SULT4A1: variants seen among roughly 807,000 people sequenced by gnomAD.
SULT4A1 encodes sulfotransferase 4A1.
In SULT4A1, 11 loss-of-function variants were observed where a neutral mutation model predicts 35.2. That is an observed-to-expected ratio of 0.31 (90% CI 0.20 to 0.52). SULT4A1 has a LOEUF of 0.52. Ranked by LOEUF, SULT4A1 falls within the 20% of genes least tolerant of loss-of-function variation. The pLI, the probability that SULT4A1 is intolerant of heterozygous loss-of-function variation, is 0.97. For missense variants in SULT4A1, 271 were observed against 383.7 expected (o/e 0.71, Z 2.45); for synonymous variants, 152 against 151.8 (o/e 1.00, Z -0.01).
intron 5 of SULT4A1, among the ~76,000 whole-genome samples, chr22:43,831,593 G>A (rs1279659744): frequency 6.6e-6 from 1 of 152,182 alleles, no homozygotes; most frequent in Non-Finnish European, 1.5e-5. Flanking sequence ...ATGAAGCGGT[G>A]GCACATTCGT....
At chr22:43,828,851 C>A in intron 6 of SULT4A1, 1 of 492,284 alleles carries the variant, frequency 2.0e-6, no homozygotes, top group South Asian at 4.2e-5. Flanking sequence ...AATGCAAACA[C>A]CAGCGGGCAG....
intron 1 of SULT4A1, among the ~76,000 whole-genome samples, chr22:43,845,159 T>C (rs2063465675): frequency 6.6e-6 from 1 of 152,156 alleles, no homozygotes; most frequent in South Asian, 2.1e-4. Context: ...CTGTGGTCCC[T>C]TCATATCGGC....
rs2148315289 is a variant in SULT4A1 at position 43,862,368 on chromosome 22, C to T, written c.15G>A (p.Glu5=). ...CCCCCGGGGTGCTGGGGGTCTCGGCCTCGCTCTCCGCCATGCCGCCGCCGT... is the reference window on the plus strand; with the variant it reads ...CCCCCGGGGTGCTGGGGGTCTCGGCTTCGCTCTCCGCCATGCCGCCGCCGT... MAES[E]AETPSTPGEF... The change falls in exon 1 of 7, where the codon GAG becomes GAA. Residue 5 remains glutamate, a synonymous_variant. Coordinates refer to ENST00000330884, the MANE Select transcript of SULT4A1 (RefSeq NM_014351.4). The T allele has an allele frequency of 2.1e-6, 3 of 1,438,202 alleles. No individual in the cohort carries two copies. The highest frequency in any genetic ancestry group is 2.8e-6 in the Non-Finnish European group (3 of 1,080,410). The allele number at this position is 1,438,202 out of a possible 1,614,324, so 89.1% of individuals were successfully genotyped here. A position where few individuals can be genotyped will look rare whatever the true frequency, so the allele number is the denominator to read the frequency against.
intron 1 of SULT4A1, among the ~76,000 whole-genome samples, chr22:43,846,627 A>G (rs994894798): frequency 2.0e-5 from 3 of 152,258 alleles, no homozygotes; most frequent in African/African-American, 7.2e-5. Flanking sequence ...CAATACACAC[A>G]AAGAACTTCT....
At chr22:43,855,114 C>T (rs1000341945) in intron 1 of SULT4A1, among the ~76,000 whole-genome samples, 2 of 152,176 alleles carry the variant, frequency 1.3e-5, no homozygotes, top group Non-Finnish European at 2.9e-5. Flanking sequence ...ATGGTGCGGA[C>T]AGTCACAGTG....
chr22:43,839,287 C>A (rs982491549), intron 3 of SULT4A1, among the ~76,000 whole-genome samples: 2 of 152,240 alleles, frequency 1.3e-5, no homozygotes, highest in Non-Finnish European at 2.9e-5. Flanking sequence ...CAACCCTGAT[C>A]CTGGTGGTAA....
chr22:43,857,074 G>C (rs752927065), intron 1 of SULT4A1, among the ~76,000 whole-genome samples: 1 of 152,148 alleles, frequency 6.6e-6, no homozygotes, highest in Non-Finnish European at 1.5e-5. Context: ...GAATAGATGG[G>C]ATTATTTCAG....
At chr22:43,837,455 C>T (rs1318094630) in intron 4 of SULT4A1, among the ~76,000 whole-genome samples, 1 of 152,198 alleles carries the variant, frequency 6.6e-6, no homozygotes, top group Non-Finnish European at 1.5e-5. Context: ...CTTCAGAAGT[C>T]CATGAGTGGG....
At chr22:43,854,140 G>A (rs2049375398) in intron 1 of SULT4A1, among the ~76,000 whole-genome samples, 2 of 152,132 alleles carry the variant, frequency 1.3e-5, no homozygotes, top group Admixed American at 1.3e-4. Context: ...GGACAACAAT[G>A]GCAGACAGGG....
chr22:43,857,148 G>A (rs948551784), intron 1 of SULT4A1, among the ~76,000 whole-genome samples: 3 of 152,158 alleles, frequency 2.0e-5, no homozygotes, highest in African/African-American at 7.2e-5. Flanking sequence ...AACATTGAAT[G>A]CTTCTGACAG....
intron 1 of SULT4A1, among the ~76,000 whole-genome samples, chr22:43,850,431 T>A (rs752562454): frequency 1.3e-5 from 2 of 152,250 alleles, no homozygotes; most frequent in Non-Finnish European, 2.9e-5. Context: ...CTCTTCTGTA[T>A]TCTATTTCAC....
Position 43,849,107 on chromosome 22 carries a change from C to T in SULT4A1, c.170-7175G>A, listed in dbSNP as rs28540565. 7.7e-3 allele frequency among the ~76,000 whole-genome samples: 1,176 copies of T among 152,312 alleles called. 19 individuals are homozygous for T. The highest frequency in any genetic ancestry group is 0.027 in the African/African-American group (1,142 of 41,570). ...CACTGCTGTTCTGGGGTGGAACTCC[C>T]CAGGACTCTAGGGCATGGCCTGTCT... On this transcript the variant is annotated intron_variant, in intron 1 of 6. Transcript: ENST00000330884.
chr22:43,830,366 G>A (rs1359410560), intron 5 of SULT4A1, among the ~76,000 whole-genome samples: 2 of 152,352 alleles, frequency 1.3e-5, no homozygotes, highest in African/African-American at 4.8e-5. Context: ...ATCCTCGTGG[G>A]GCAGCTCACT....
intron 6 of SULT4A1, chr22:43,826,937 G>A (rs2063291184): frequency 2.0e-6 from 2 of 985,348 alleles, no homozygotes; most frequent in Non-Finnish European, 2.4e-6. Flanking sequence ...ATAAACTGCA[G>A]GCACCGGTCT....
chr22:43,859,707 G>A (rs975057396), intron 1 of SULT4A1, among the ~76,000 whole-genome samples: 2 of 152,206 alleles, frequency 1.3e-5, no homozygotes, highest in East Asian at 1.9e-4. Context: ...TCTGGATCAC[G>A]GTTTTACCTG....
At chr22:43,856,676 G>GA (rs1167647314) in intron 1 of SULT4A1, among the ~76,000 whole-genome samples, 1 of 152,282 alleles carries the variant, frequency 6.6e-6, no homozygotes, top group Non-Finnish European at 1.5e-5. Flanking sequence ...GGAACACTGA[G>GA]AAAAAACCTC....
intron 1 of SULT4A1, among the ~76,000 whole-genome samples, chr22:43,844,231 C>T (rs2063457251): frequency 2.0e-5 from 3 of 152,356 alleles, no homozygotes; most frequent in Non-Finnish European, 2.9e-5. Context: ...CACCTCCGCC[C>T]GCCAGTGGCC....
chr22:43,833,282 C>T (rs2063337569), intron 5 of SULT4A1, among the ~76,000 whole-genome samples: 1 of 152,140 alleles, frequency 6.6e-6, no homozygotes, highest in South Asian at 2.1e-4. Context: ...CCCCAAGCTA[C>T]CAGCTGCCTC....
intron 1 of SULT4A1, among the ~76,000 whole-genome samples, chr22:43,849,799 G>A (rs2063499316): frequency 6.6e-6 from 1 of 152,184 alleles, no homozygotes; most frequent in Non-Finnish European, 1.5e-5. Context: ...ACCCTCGCTG[G>A]CAGAAGGCAG....
Sources: gnomAD v4.1 joint callset for allele counts (sites outside exome capture counted in the v4.1 genomes callset) on GRCh38, gnomAD v4.1.1 for gene constraint, MANE v1.5 for transcripts, NCBI Gene and HGNC (gene_info 2026-07-23, HGNC 2026-07-21) for gene names.